ARHGAP21: variants seen among roughly 807,000 people sequenced by gnomAD.
ARHGAP21 encodes Rho GTPase activating protein 21.
A neutral mutation model predicts 164.6 loss-of-function variants in ARHGAP21; 38 were observed. The observed-to-expected ratio is 0.23, with a 90% CI of 0.18 to 0.30. The LOEUF (loss-of-function observed/expected upper bound fraction) is 0.30. Among genes scored for constraint, ARHGAP21 ranks in the 10% least tolerant of loss-of-function variants. ARHGAP21 has a pLI of 1.00. For synonymous variants in ARHGAP21, 766 were observed against 857.9 expected (o/e 0.89, Z 1.87); for missense variants, 1,822 against 2,370.7 (o/e 0.77, Z 4.81).
rs1017128858 is a variant in ARHGAP21, at chr10:24,635,107, T to C, written c.269-4A>G. On this transcript the variant is annotated splice_region_variant and splice_polypyrimidine_tract_variant and intron_variant, in intron 4 of 25. Transcript: ENST00000396432. ...TCCAAGCGGTTTCTTTGTTTTCCTG[T>C]TACAGAGAAGCCCAAAGCATGATTT... The C allele has an allele frequency of 1.3e-6, 2 of 1,576,234 alleles. No homozygotes were observed. Among genetic ancestry groups the C allele is most frequent in the Non-Finnish European group, 1.7e-6 (2 of 1,161,928 alleles).
Position 24,712,195 on chromosome 10 carries a change from T to C in ARHGAP21, c.63+9642A>G, listed in dbSNP as rs188583266. Among the ~76,000 whole-genome samples, 7 of 152,196 alleles carry C rather than the reference T, an allele frequency of 4.6e-5. No individual in the cohort carries two copies. The East Asian group carries it at 1.2e-3, about 25-fold the overall frequency. ...CTTCCCAAAGTGCTGGGATTACAGG[T>C]GTGAGCCACTGCACCTGGCCAAGTT... On this transcript the variant is annotated intron_variant, in intron 2 of 25. Transcript: ENST00000396432.
At chr10:24,599,228 A>G (rs2076709494) in intron 14 of ARHGAP21, among the ~76,000 whole-genome samples, 1 of 152,236 alleles carries the variant, frequency 6.6e-6, no homozygotes, top group African/African-American at 2.4e-5. Flanking sequence ...TAACAATGAC[A>G]GTCTACTGCC....
chr10:24,718,100 C>T (rs550174817), intron 2 of ARHGAP21, among the ~76,000 whole-genome samples: 2 of 152,136 alleles, frequency 1.3e-5, no homozygotes, highest in African/African-American at 4.8e-5. Context: ...GACCTGAACT[C>T]AGGTGGGGGT....
intron 11 of ARHGAP21, among the ~76,000 whole-genome samples, chr10:24,605,132 C>T (rs115343006): frequency 1.2e-3 from 180 of 152,210 alleles, no homozygotes; most frequent in African/African-American, 4.3e-3. Flanking sequence ...GACACTGTAA[C>T]TCTGAACTAT....
rs2130913508 is a variant in ARHGAP21 at position 24,602,011 on chromosome 10, A to G, written c.2814T>C (p.Leu938=). Residue 938 remains leucine, a synonymous_variant, in exon 13 of 26, where the codon CTT becomes CTC. Transcript: ENST00000396432. ...TATCGGTGACAAGGGGTCGGAAATG[A>G]AGCCACCCTTCCTTGGCAGCATCAC... The part of the protein sequence containing the change: ...VFSDAAKEGW[L]HFRPLVTDKG... 1 of 1,612,020 alleles carries G rather than the reference A, an allele frequency of 6.2e-7. No homozygotes were observed. Among genetic ancestry groups the G allele is most frequent in the Non-Finnish European group, 8.5e-7 (1 of 1,179,838 alleles).
At chr10:24,656,081 G>C (rs1382912771) in intron 4 of ARHGAP21, among the ~76,000 whole-genome samples, 1 of 148,062 alleles carries the variant, frequency 6.8e-6, no homozygotes, top group Non-Finnish European at 1.5e-5. Flanking sequence ...TAAGAAGTGA[G>C]GAGCCTCTCC....
intron 9 of ARHGAP21, among the ~76,000 whole-genome samples, chr10:24,614,449 G>T (rs2077390679): frequency 6.6e-6 from 1 of 152,156 alleles, no homozygotes; most frequent in Non-Finnish European, 1.5e-5. Flanking sequence ...AAGGAACTAG[G>T]TGAAAAGGCT....
intron 2 of ARHGAP21, among the ~76,000 whole-genome samples, chr10:24,714,987 G>A (rs1448969840): frequency 3.3e-5 from 5 of 149,714 alleles, no homozygotes; most frequent in East Asian, 2.0e-4. Context: ...CCAAGATCAC[G>A]CCACTGCACT....
chr10:24,698,025 T>A (rs111820186), intron 2 of ARHGAP21, among the ~76,000 whole-genome samples: 89 of 152,276 alleles, frequency 5.8e-4, no homozygotes, highest in African/African-American at 2.0e-3. Flanking sequence ...CATTTGCTTA[T>A]TATATATGAC....
At chr10:24,615,615 G>A (rs2131107267) in intron 9 of ARHGAP21, among the ~76,000 whole-genome samples, 1 of 152,282 alleles carries the variant, frequency 6.6e-6, no homozygotes, top group South Asian at 2.1e-4. Flanking sequence ...GGCTCTGTCA[G>A]TTCTCTGAGA....
chr10:24,622,607 G>T lies in ARHGAP21; in HGVS notation c.525+126C>A, dbSNP rs185948948. On this transcript the variant is annotated intron_variant, in intron 8 of 25. Coordinates refer to ENST00000396432, the MANE Select transcript of ARHGAP21 (RefSeq NM_020824.4). ...TATCACAAACGTATTCTGCAAATTA[G>T]TAAGATTAACACGATAGAGGGATTT... The T allele has an allele frequency of 1.8e-4, 183 of 999,198 alleles. 1 individual carries two copies. In the East Asian group the frequency reaches 4.9e-3, roughly 27 times the overall value. The allele number at this position is 999,198 out of a possible 1,614,324, so 61.9% of individuals were successfully genotyped here. A position where few individuals can be genotyped will look rare whatever the true frequency, so the allele number is the denominator to read the frequency against.
At chr10:24,688,401 A>G (rs563901014) in intron 2 of ARHGAP21, among the ~76,000 whole-genome samples, 1 of 152,284 alleles carries the variant, frequency 6.6e-6, no homozygotes, top group Non-Finnish European at 1.5e-5. Context: ...TCAAAAAAAA[A>G]AATTCAATTT....
intron 2 of ARHGAP21, among the ~76,000 whole-genome samples, chr10:24,717,298 C>T (rs919787903): frequency 2.6e-5 from 4 of 152,178 alleles, no homozygotes; most frequent in African/African-American, 9.7e-5. Flanking sequence ...GCCTTTCCTG[C>T]ATATTCATTT....
chr10:24,671,033 G>A (rs1840651420), intron 2 of ARHGAP21, among the ~76,000 whole-genome samples: 2 of 151,738 alleles, frequency 1.3e-5, no homozygotes, highest in South Asian at 2.1e-4. Flanking sequence ...TCACTATTTA[G>A]TTCATTCCCT....
rs760780132 is a variant in ARHGAP21 at position 24,596,778 on chromosome 10, C to T, written c.3439G>A (p.Val1147Ile). 1.5e-5 allele frequency: 24 copies of T among 1,612,332 alleles called. No homozygotes were observed. Among genetic ancestry groups the T allele is most frequent in the African/African-American group, 2.7e-5 (2 of 74,750 alleles). Residue 1147 changes from valine to isoleucine, a missense_variant, in exon 17 of 26, where the codon GTC becomes ATC. This residue lies in a region of ARHGAP21 where 117 missense variants were observed against 238.1 expected (regional missense o/e 0.49). Coordinates refer to ENST00000396432, the MANE Select transcript of ARHGAP21 (RefSeq NM_020824.4). ...KKPTATGTFG[V>I]RLDDCPPAHT... ...GCTGGTGGGCAGTCATCTAGTCGGA[C>T]GCCGAAAGTTCCTGTAGCAGTTGGC...
intron 3 of ARHGAP21, among the ~76,000 whole-genome samples, chr10:24,669,124 G>A (rs1429662470): frequency 6.6e-6 from 1 of 151,774 alleles, no homozygotes; most frequent in African/African-American, 2.4e-5. Flanking sequence ...ATCCTTAAAA[G>A]ATATTCAGTT....
At chr10:24,591,482 A>G in intron 23 of ARHGAP21, 152 bp from the exon 24 acceptor site, 1 of 1,116,314 alleles carries the variant, frequency 9.0e-7, no homozygotes, top group East Asian at 2.4e-5. Flanking sequence ...CAAAATAAGC[A>G]CCGTACTTGT....
chr10:24,702,231 C>T (rs1176453159), intron 2 of ARHGAP21, among the ~76,000 whole-genome samples: 2 of 147,128 alleles, frequency 1.4e-5, no homozygotes, highest in Non-Finnish European at 3.0e-5. Flanking sequence ...CCCGGGTTCA[C>T]GCCATTCTCC....
chr10:24,621,494 A>T, intron 8 of ARHGAP21, 125 bp from the exon 9 acceptor site: 1 of 804,218 alleles, frequency 1.2e-6, no homozygotes, highest in Non-Finnish European at 1.9e-6. Context: ...TATAGCATGC[A>T]TGCAAACACA....
Sources: allele counts gnomAD v4.1 joint callset (sites outside exome capture counted in the v4.1 genomes callset), GRCh38; gene constraint gnomAD v4.1.1; regional missense constraint gnomAD v4.1.1; transcripts MANE v1.5; gene names NCBI Gene and HGNC (gene_info 2026-07-23, HGNC 2026-07-21).